GALNTL6: variants seen among roughly 807,000 people sequenced by gnomAD.
GALNTL6 encodes the protein polypeptide N-acetylgalactosaminyltransferase like 6.
Under a neutral mutation model 73.7 loss-of-function variants are expected in GALNTL6, and 46 were observed. The observed-to-expected ratio is 0.62, with a 90% CI of 0.49 to 0.80. The LOEUF (loss-of-function observed/expected upper bound fraction) is 0.80. Among genes scored for constraint, GALNTL6 ranks in the 30% least tolerant of loss-of-function variants. The pLI is 0.00. For synonymous variants in GALNTL6, 259 were observed against 263.7 expected (o/e 0.98, Z 0.17); for missense variants, 604 against 755.0 (o/e 0.80, Z 2.34).
chr4:171,989,559 C>T (rs572868611), intron 2 of GALNTL6, among the ~76,000 whole-genome samples: 2 of 152,276 alleles, frequency 1.3e-5, no homozygotes, highest in East Asian at 3.9e-4. Flanking sequence ...GTTTGGAGTT[C>T]TTGTGTGCTG....
chr4:171,870,383 G>A (rs886118935), intron 2 of GALNTL6, among the ~76,000 whole-genome samples: 8 of 152,192 alleles, frequency 5.3e-5, no homozygotes, highest in African/African-American at 1.2e-4. Flanking sequence ...TGATGTGGTA[G>A]ATCAAATGTA....
intron 5 of GALNTL6, among the ~76,000 whole-genome samples, chr4:172,746,730 C>G (rs776331576): frequency 4.6e-4 from 70 of 152,206 alleles, no homozygotes; most frequent in Non-Finnish European, 8.4e-4. Context: ...GGCAAACCCA[C>G]AGCTAACATC....
chr4:172,479,388 T>TA (rs1284169204), intron 5 of GALNTL6, among the ~76,000 whole-genome samples: 1 of 152,176 alleles, frequency 6.6e-6, no homozygotes, highest in Admixed American at 6.5e-5. Context: ...ACTCAGTTAT[T>TA]AAAAAAGAAT....
intron 2 of GALNTL6, among the ~76,000 whole-genome samples, chr4:172,030,930 GACAA>G (rs1384407840): frequency 6.6e-6 from 1 of 151,800 alleles, no homozygotes; most frequent in Non-Finnish European, 1.5e-5. Context: ...TCCTATTGAT[GACAA>G]ACAGAGGATC....
At chr4:172,454,665 CTG>C (rs1732326791) in intron 5 of GALNTL6, among the ~76,000 whole-genome samples, 1 of 152,228 alleles carries the variant, frequency 6.6e-6, no homozygotes, top group Non-Finnish European at 1.5e-5. Context: ...TGCCACTCCA[CTG>C]TCTCAACTCC....
intron 2 of GALNTL6, among the ~76,000 whole-genome samples, chr4:171,954,602 T>G (rs1738987580): frequency 6.6e-6 from 1 of 152,194 alleles, no homozygotes; most frequent in Admixed American, 6.5e-5. Context: ...AAACAATATT[T>G]CTAAATATTC....
At chr4:172,915,573 A>T (rs933317299) in intron 8 of GALNTL6, among the ~76,000 whole-genome samples, 5 of 152,088 alleles carry the variant, frequency 3.3e-5, no homozygotes, top group African/African-American at 1.2e-4. Context: ...GATATCACCA[A>T]TGATCCCACA....
intron 8 of GALNTL6, among the ~76,000 whole-genome samples, chr4:172,885,437 T>C (rs1745669817): frequency 6.6e-6 from 1 of 152,186 alleles, no homozygotes; most frequent in Non-Finnish European, 1.5e-5. Context: ...ATAGAATTAA[T>C]TTATCAGTTC....
chr4:172,120,965 C>T (rs564473877), intron 2 of GALNTL6, among the ~76,000 whole-genome samples: 39 of 151,840 alleles, frequency 2.6e-4, no homozygotes, highest in African/African-American at 8.9e-4. Context: ...GTCCTCTAAG[C>T]CCTTCAGCCT....
At chr4:172,033,951 G>T (rs1222679068) in intron 2 of GALNTL6, among the ~76,000 whole-genome samples, 1 of 152,024 alleles carries the variant, frequency 6.6e-6, no homozygotes, top group Non-Finnish European at 1.5e-5. Flanking sequence ...ATTGCTCAGG[G>T]CTGCCAACTC....
intron 2 of GALNTL6, among the ~76,000 whole-genome samples, chr4:171,929,492 A>G (rs1326453068): frequency 2.0e-5 from 3 of 152,170 alleles, no homozygotes; most frequent in East Asian, 3.8e-4. Context: ...CCCGCCATCA[A>G]CACAAAAACC....
At chr4:172,170,593 T>A (rs1225138329) in intron 2 of GALNTL6, among the ~76,000 whole-genome samples, 2 of 143,614 alleles carry the variant, frequency 1.4e-5, no homozygotes, top group Non-Finnish European at 3.0e-5. Context: ...CACTGCAACC[T>A]CCTCCGCTTT....
intron 2 of GALNTL6, among the ~76,000 whole-genome samples, chr4:172,042,380 A>C (rs1742108560): frequency 6.6e-6 from 1 of 152,074 alleles, no homozygotes; most frequent in African/African-American, 2.4e-5. Flanking sequence ...ACATAAAAAT[A>C]AGCCTTTAAC....
chr4:172,875,383 G>C (rs1377301422), intron 7 of GALNTL6, among the ~76,000 whole-genome samples: 4 of 152,098 alleles, frequency 2.6e-5, no homozygotes, highest in Non-Finnish European at 5.9e-5. Context: ...GCATAATTTT[G>C]GAATATAAAA....
intron 5 of GALNTL6, among the ~76,000 whole-genome samples, chr4:172,754,239 C>T (rs559254201): frequency 6.6e-6 from 1 of 152,178 alleles, no homozygotes; most frequent in South Asian, 2.1e-4. Flanking sequence ...AGTATACACA[C>T]ATACATACAT....
intron 2 of GALNTL6, among the ~76,000 whole-genome samples, chr4:171,918,823 T>C (rs964076721): frequency 6.6e-6 from 1 of 151,942 alleles, no homozygotes; most frequent in African/African-American, 2.4e-5. Context: ...AAGAAGGAAA[T>C]TTCGTGATAT....
chr4:172,213,473 A>G (rs1016282122), intron 2 of GALNTL6, among the ~76,000 whole-genome samples: 1 of 152,176 alleles, frequency 6.6e-6, no homozygotes, highest in Non-Finnish European at 1.5e-5. Context: ...GATGTGTACT[A>G]GTTTTTTATT....
chr4:172,117,699 G>A (rs192057718), intron 2 of GALNTL6, among the ~76,000 whole-genome samples: 4 of 152,170 alleles, frequency 2.6e-5, no homozygotes, highest in African/African-American at 4.8e-5. Context: ...TGGCCTATTC[G>A]TGCACTAGAA....
intron 5 of GALNTL6, among the ~76,000 whole-genome samples, chr4:172,455,943 G>A (rs1222556923): frequency 1.3e-5 from 2 of 152,148 alleles, no homozygotes; most frequent in African/African-American, 2.4e-5. Flanking sequence ...ACCTCATACA[G>A]GAGAGCTCCA....
Sources: allele counts gnomAD v4.1 joint callset (sites outside exome capture counted in the v4.1 genomes callset), GRCh38; gene constraint gnomAD v4.1.1; transcripts MANE v1.5; gene names NCBI Gene and HGNC (gene_info 2026-07-23, HGNC 2026-07-21).